INTS3: variants seen among roughly 807,000 people sequenced by gnomAD.
The protein encoded by INTS3 is integrator complex subunit 3.
A neutral mutation model predicts 146.3 loss-of-function variants in INTS3; 34 were observed. That is an observed-to-expected ratio of 0.23 (90% CI 0.18 to 0.31). The LOEUF is 0.31. INTS3 is among the 10% of genes least tolerant of loss of function. INTS3 has a pLI of 1.00. For synonymous variants in INTS3, 475 were observed against 494.9 expected, an observed-to-expected ratio of 0.96 and a Z score of 0.53; for missense variants, 757 against 1,304.2, an observed-to-expected ratio of 0.58 and a Z score of 6.46.
chr1:153,762,261 C>A (rs1025875999), intron 14 of INTS3, among the ~76,000 whole-genome samples: 1 of 152,164 alleles, frequency 6.6e-6, no homozygotes, highest in Non-Finnish European at 1.5e-5. Context: ...CCAGCCTGGC[C>A]AACATCATGA....
At position 153,757,464 on chromosome 1, in the gene INTS3, A is replaced by C; in HGVS notation, c.958-108A>C. The C allele has an allele frequency of 1.2e-6, 1 of 832,860 alleles. No individual in the cohort carries two copies. Among genetic ancestry groups the C allele is most frequent in the African/African-American group, 1.7e-5 (1 of 59,084 alleles). 51.6% of individuals were successfully genotyped at this position (832,860 alleles called of 1,614,324 possible). A position where few individuals can be genotyped will look rare whatever the true frequency, so the allele number is the denominator to read the frequency against. On this transcript the variant is annotated intron_variant, in intron 9 of 29. Coordinates refer to ENST00000318967, the MANE Select transcript of INTS3 (RefSeq NM_023015.5). This position sits in a 1 kb window ranked among gnomAD's most constrained non-coding sequence, Gnocchi z 4.0. ...GTATGAGCTAATGAATGAATTGTGG[A>C]GAAATAGAGGTCTAGGGCAAACCTA... is the stretch of plus-strand genomic sequence containing the variant.
At chr1:153,746,006 GA>G (rs1212133443) in intron 3 of INTS3, among the ~76,000 whole-genome samples, 1 of 152,142 alleles carries the variant, frequency 6.6e-6, no homozygotes, top group Middle Eastern at 3.2e-3. Flanking sequence ...GCAGAAGTTC[GA>G]AGCTGCAATG....
intron 21 of INTS3, among the ~76,000 whole-genome samples, chr1:153,768,072 T>C (rs537152332): frequency 6.6e-6 from 1 of 152,332 alleles, no homozygotes; most frequent in African/African-American, 2.4e-5. Context: ...TGAGCCTATA[T>C]ACTTGGCTTC....
chr1:153,770,414 GTCC>G lies in INTS3; in HGVS notation c.2503+108_2503+110del. The stretch of plus-strand genomic sequence containing the variant: ...CTTCTAGGATGAGCCCAGATCCATT[GTCC>G]TCCTTCCCACCAAAGTGCACAAGGG... On this transcript the variant is annotated intron_variant, in intron 24 of 29. Transcript: ENST00000318967. 3 of 830,372 alleles carry G rather than the reference GTCC, an allele frequency of 3.6e-6. No homozygotes were observed. In the East Asian group the frequency reaches 7.3e-5, roughly 20 times the overall value. 51.4% of individuals were successfully genotyped at this position (830,372 alleles called of 1,614,324 possible).
chr1:153,770,583 G>A, intron 24 of INTS3, 102 bp from the exon 25 acceptor site: 1 of 987,974 alleles, frequency 1.0e-6, no homozygotes, highest in Non-Finnish European at 1.6e-6. Context: ...ATCAAAGACT[G>A]TCCTTATTCC....
Position 153,774,626 on chromosome 1 carries a change from G to A in INTS3, c.*1356G>A. 1 of 158,736 alleles carries A rather than the reference G, an allele frequency of 6.3e-6. No individual in the cohort carries two copies. The highest frequency in any genetic ancestry group is 1.4e-5 in the Non-Finnish European group (1 of 71,808). 9.8% of individuals were successfully genotyped at this position (158,736 alleles called of 1,614,324 possible). A position where few individuals can be genotyped will look rare whatever the true frequency, so the allele number is the denominator to read the frequency against. On this transcript the variant is annotated 3_prime_UTR_variant, in exon 30 of 30. Coordinates refer to ENST00000318967, the MANE Select transcript of INTS3 (RefSeq NM_023015.5). ...GAGGTGGACTGAGGAGTGAAGTTTG[G>A]GCGAACTGCACAGAGCTGCTCCTCT... is the stretch of plus-strand genomic sequence containing the variant.
intron 24 of INTS3, 128 bp downstream of exon 24, chr1:153,770,439 A>C: frequency 1.3e-6 from 1 of 749,064 alleles, no homozygotes; most frequent in Non-Finnish European, 2.3e-6. Context: ...AAAGTGCACA[A>C]GGGCAGGCTC....
chr1:153,762,863 A>AGG lies in INTS3; in HGVS notation c.1636+18_1636+19dup, dbSNP rs577318150. On this transcript the variant is annotated intron_variant, in intron 15 of 29. Coordinates refer to ENST00000318967, the MANE Select transcript of INTS3 (RefSeq NM_023015.5). ...AACAGCAAAGGTGAGGCCATCAGCA[A>AGG]GGGCTAGTTCAGGGTTGTGTCAGCC... 5.0e-5 allele frequency: 80 copies of AGG among 1,613,528 alleles called. No individual in the cohort carries two copies. The African/African-American group carries it at 8.8e-4, about 18-fold the overall frequency.
At chr1:153,771,378 T>C (rs995986667) in intron 25 of INTS3, among the ~76,000 whole-genome samples, 5 of 152,178 alleles carry the variant, frequency 3.3e-5, no homozygotes, top group Non-Finnish European at 5.9e-5. Flanking sequence ...GGAGGCTGTA[T>C]GGGGCTGTGA....
At chr1:153,755,072 G>A (rs918557637) in intron 9 of INTS3, among the ~76,000 whole-genome samples, 3 of 152,330 alleles carry the variant, frequency 2.0e-5, no homozygotes, top group African/African-American at 4.8e-5. Flanking sequence ...AAAGGGGAGA[G>A]TGAAAGTGTT....
chr1:153,766,565 C>G (rs1163238394), intron 20 of INTS3: 3 of 151,682 alleles, frequency 2.0e-5, no homozygotes, highest in Non-Finnish European at 2.9e-5. Flanking sequence ...TCTCAAAGTA[C>G]TAGGATTATA....
intron 1 of INTS3, among the ~76,000 whole-genome samples, chr1:153,737,501 C>G (rs1028738983): frequency 1.3e-4 from 19 of 151,972 alleles, no homozygotes; most frequent in African/African-American, 4.6e-4. Flanking sequence ...AACTGGAGAC[C>G]CTGGTACTTT....
At position 153,759,895 on chromosome 1, in the gene INTS3, C is replaced by T; in HGVS notation, c.1237+282C>T. ...AAGGCTGTACCATGTCCTGCTTCTCCTCACCTATTACTTCCCTTCTCAAAG... is the reference window on the plus strand; with the variant it reads ...AAGGCTGTACCATGTCCTGCTTCTCTTCACCTATTACTTCCCTTCTCAAAG... On this transcript the variant is annotated intron_variant, in intron 11 of 29. Transcript: ENST00000318967. 5.8e-6 allele frequency: 3 copies of T among 521,462 alleles called. 1 individual carries two copies. The South Asian group carries it at 8.3e-5, about 14-fold the overall frequency. The allele number at this position is 521,462 out of a possible 1,614,324, so 32.3% of individuals were successfully genotyped here.
At chr1:153,741,475 G>T in intron 3 of INTS3, 107 bp downstream of exon 3, 1 of 812,504 alleles carries the variant, frequency 1.2e-6, no homozygotes. Flanking sequence ...ACCAGAGCTG[G>T]ATCACCTTGT....
intron 21 of INTS3, 80 bp from the exon 22 acceptor site, chr1:153,768,813 G>A (rs945534497): frequency 9.1e-7 from 1 of 1,104,402 alleles, no homozygotes; most frequent in Non-Finnish European, 1.4e-6. Context: ...ACCTTGAGAT[G>A]TAATAAGGAA....
intron 9 of INTS3, among the ~76,000 whole-genome samples, chr1:153,756,074 GTTAAAA>G (rs1284739542): frequency 1.3e-5 from 2 of 150,402 alleles, no homozygotes; most frequent in Admixed American, 6.6e-5. Flanking sequence ...GTTAAAATGA[GTTAAAA>G]TTAAAAATTC....
intron 22 of INTS3, 124 bp from the exon 23 acceptor site, chr1:153,769,645 A>ACTGG: frequency 3.1e-6 from 2 of 654,486 alleles, no homozygotes; most frequent in Non-Finnish European, 5.5e-6. Flanking sequence ...ATTCCTTTAA[A>ACTGG]CTGGGCCTTC....
At chr1:153,769,477 CA>C (rs1281948610) in intron 22 of INTS3, among the ~76,000 whole-genome samples, 3 of 152,112 alleles carry the variant, frequency 2.0e-5, no homozygotes, top group East Asian at 3.9e-4. Flanking sequence ...AACCTACATC[CA>C]GAGCCCAGCC....
rs1046572467 is a variant in INTS3 at position 153,757,518 on chromosome 1, C to T, written c.958-54C>T. 13 of 1,529,426 alleles carry T rather than the reference C, an allele frequency of 8.5e-6. No homozygotes were observed. The East Asian group carries it at 2.5e-4, about 29-fold the overall frequency. 94.7% of individuals were successfully genotyped at this position (1,529,426 alleles called of 1,614,324 possible). A position where few individuals can be genotyped will look rare whatever the true frequency, so the allele number is the denominator to read the frequency against. On this transcript the variant is annotated intron_variant, in intron 9 of 29. Transcript: ENST00000318967. This position sits in a 1 kb window ranked among gnomAD's most constrained non-coding sequence, Gnocchi z 4.0. The stretch of plus-strand genomic sequence containing the variant: ...TTAAGTGGTGCTCGTTTTCCTCTGG[C>T]CAAGGACCCCACACTGTCTTCTAAG...
Sources: gnomAD v4.1 joint callset for allele counts (sites outside exome capture counted in the v4.1 genomes callset) on GRCh38, gnomAD v4.1.1 for gene constraint, Gnocchi (gnomAD v3.1) non-coding constraint, MANE v1.5 for transcripts, NCBI Gene and HGNC (gene_info 2026-07-23, HGNC 2026-07-21) for gene names.